The following CDC42BPG variants were observed in gnomAD, a reference collection of about 807,000 sequenced individuals.
CDC42BPG encodes the protein CDC42 binding protein kinase gamma, also known as serine/threonine-protein kinase MRCK gamma.
A neutral mutation model predicts 192.2 loss-of-function variants in CDC42BPG; 157 were observed. That is an observed-to-expected ratio of 0.82 (90% CI 0.72 to 0.93). The LOEUF is 0.93. Ranked by LOEUF, CDC42BPG falls within the 40% of genes least tolerant of loss-of-function variation. The probability of loss-of-function intolerance (pLI) is 0.00; values close to 1 mark genes in which losing one functional copy is unlikely to be tolerated. For synonymous variants in CDC42BPG, 981 were observed against 918.5 expected, an observed-to-expected ratio of 1.07 and a Z score of -1.23; for missense variants, 1,992 against 2,122.1, an observed-to-expected ratio of 0.94 and a Z score of 1.20.
At chr11:64,839,601 C>CACAG (rs1565697426) in intron 5 of CDC42BPG, 30 bp from the exon 6 acceptor site, 1 of 1,590,180 alleles carries the variant, frequency 6.3e-7, no homozygotes, top group Non-Finnish European at 8.6e-7. Flanking sequence ...GAGAGTGAGG[C>CACAG]GTTTGACCTG....
Position 64,826,673 on chromosome 11 carries a change from G to T in CDC42BPG, c.4511C>A (p.Pro1504His), listed in dbSNP as rs200512542. The change falls in exon 35 of 37, where the codon CCC (proline) becomes CAC (histidine). Residue 1504 changes from proline (P) to histidine (H), a missense_variant and splice_region_variant. Physicochemically the swap from Pro to His is moderately conservative, Grantham distance 77. Around this residue, in one of 2 missense-constraint regions of CDC42BPG, gnomAD observed 336 missense variants for 277.9 expected, o/e 1.21. Coordinates refer to ENST00000342711, the MANE Select transcript of CDC42BPG (RefSeq NM_017525.3). ...GSEGLGGDAD[P>H]MKRKPWTSLS... ...GGAGGCTGAGGGGCTGCCCTTACTG[G>T]GGTCTGCGTCTCCACCGAGGCCTTC... The T allele has an allele frequency of 6.4e-7, 1 of 1,570,972 alleles. No individual in the cohort carries two copies.
Position 64,824,355 on chromosome 11 carries a change from G to T in CDC42BPG, c.*118C>A. 1.2e-6 allele frequency: 1 copy of T among 817,658 alleles called. No individual in the cohort carries two copies. Among genetic ancestry groups the T allele is most frequent in the East Asian group, 2.4e-5 (1 of 41,176 alleles). 50.7% of individuals were successfully genotyped at this position (817,658 alleles called of 1,614,324 possible). On this transcript the variant is annotated 3_prime_UTR_variant, in exon 37 of 37. Transcript: ENST00000342711. ...AGTCTCCCAGTCATTGCCCAGCCCG[G>T]GTCCTCCCTGAGTCCGAATTTCCAT...
intron 23 of CDC42BPG, 113 bp from the exon 24 acceptor site, chr11:64,833,449 C>T: frequency 1.0e-6 from 1 of 967,096 alleles, no homozygotes; most frequent in Non-Finnish European, 1.5e-6. Flanking sequence ...CGAGTCCCAG[C>T]CAATCTATGG....
In CDC42BPG at chr11:64,827,272, G is replaced by A. The variant is rs765328231; in HGVS notation, c.4271+6C>T. 5.6e-6 allele frequency: 9 copies of A among 1,613,278 alleles called. No homozygotes were observed. Among genetic ancestry groups the A allele is most frequent in the East Asian group, 2.2e-5 (1 of 44,894 alleles). The stretch of plus-strand genomic sequence containing the variant: ...CAGCCTCAGCCCCCGCGTCGTGCAC[G>A]CGCACCTGCGCTGCTGCTTCTGCTG... On this transcript the variant is annotated splice_donor_region_variant and intron_variant, in intron 33 of 36. Coordinates refer to ENST00000342711, the MANE Select transcript of CDC42BPG (RefSeq NM_017525.3).
Position 64,823,678 on chromosome 11 carries a change from G to A in CDC42BPG, c.*795C>T, listed in dbSNP as rs540495923. The A allele has an allele frequency of 6.6e-6, 1 of 152,074 alleles. No individual in the cohort carries two copies. The highest frequency in any genetic ancestry group is 2.1e-4 in the South Asian group (1 of 4,812). 9.4% of individuals were successfully genotyped at this position (152,074 alleles called of 1,614,324 possible). On this transcript the variant is annotated 3_prime_UTR_variant, in exon 37 of 37. Coordinates refer to ENST00000342711, the MANE Select transcript of CDC42BPG (RefSeq NM_017525.3). ...CTGGGTACCCATCTCCCACCAAAAAGCCCTTATAAATACCCTCCCCATCCT... is the reference window on the plus strand; with the variant it reads ...CTGGGTACCCATCTCCCACCAAAAAACCCTTATAAATACCCTCCCCATCCT...
chr11:64,840,609 C>G lies in CDC42BPG; in HGVS notation c.376G>C (p.Gly126Arg). 1.2e-6 allele frequency: 2 copies of G among 1,613,960 alleles called. No individual in the cohort carries two copies. The highest frequency in any genetic ancestry group is 1.7e-6 in the Non-Finnish European group (2 of 1,180,032). Reference sequence around the variant, plus strand: ...AGAGTGGTCACCCAACGGCTGTCCCCTTTCACGAGCACATCCCGCTCCTCC... The same window carrying G: ...AGAGTGGTCACCCAACGGCTGTCCCGTTTCACGAGCACATCCCGCTCCTCC... ...FREERDVLVK[G>R]DSRWVTTLHY... The change falls in exon 4 of 37, where the codon GGG (glycine) becomes CGG (arginine). Residue 126 changes from glycine to arginine, a missense_variant. Gly to Arg is a moderately radical substitution (Grantham distance 125, BLOSUM62 -2). This residue lies in a region of CDC42BPG where 1,656 missense variants were observed against 1,844.3 expected (regional missense o/e 0.90). Transcript: ENST00000342711.
intron 9 of CDC42BPG, 119 bp from the exon 10 acceptor site, chr11:64,837,138 G>T (rs1457080719): frequency 1.1e-6 from 1 of 876,548 alleles, no homozygotes; most frequent in East Asian, 2.6e-5. Flanking sequence ...CCTGCCCTCG[G>T]GAGACCCCAG....
rs865843502 is a variant in CDC42BPG at position 64,844,446 on chromosome 11, G to T, written c.124C>A (p.Arg42=). 1.4e-6 allele frequency: 2 copies of T among 1,473,826 alleles called. No homozygotes were observed. The highest frequency in any genetic ancestry group is 2.9e-5 in the East Asian group (1 of 34,698). 91.3% of individuals were successfully genotyped at this position (1,473,826 alleles called of 1,614,324 possible). The change falls in exon 1 of 37, where the codon CGG becomes AGG. Residue 42 remains arginine (R), a synonymous_variant. Coordinates refer to ENST00000342711, the MANE Select transcript of CDC42BPG (RefSeq NM_017525.3). ...AACTGCGCCACGCTGCGCTCCCGCCGTAGGGGGCCGCTGCTGAGCTCGTGG... is the reference window on the plus strand; with the variant it reads ...AACTGCGCCACGCTGCGCTCCCGCCTTAGGGGGCCGCTGCTGAGCTCGTGG... ...LHHELSSGPL[R]RERSVAQFLS... is the part of the protein sequence containing the mutation.
At chr11:64,836,709 G>GGGA (rs1555173118) in intron 11 of CDC42BPG, 30 bp downstream of exon 11, 8 of 695,478 alleles carry the variant, frequency 1.2e-5, no homozygotes, top group Middle Eastern at 9.4e-4. Context: ...TCAGCCCTGG[G>GGGA]GGGGGGGGGG....
chr11:64,834,755 C>T, intron 18 of CDC42BPG, 94 bp downstream of exon 18: 1 of 1,378,408 alleles, frequency 7.3e-7, no homozygotes, highest in East Asian at 2.3e-5. Flanking sequence ...GGTGTCCCCA[C>T]CTCCAGTAGT....
intron 8 of CDC42BPG, 53 bp from the exon 9 acceptor site, chr11:64,838,215 C>T (rs1045312630): frequency 7.9e-5 from 108 of 1,361,752 alleles, no homozygotes; most frequent in Non-Finnish European, 1.1e-4. Context: ...GGCCCGAGGC[C>T]CAAGGCCCAG....
At chr11:64,826,333 AAT>A (rs1942412626) in intron 36 of CDC42BPG, 135 bp downstream of exon 36, 2 of 672,836 alleles carry the variant, frequency 3.0e-6, no homozygotes, top group Non-Finnish European at 2.7e-6. Flanking sequence ...GACAGGTAAG[AAT>A]CTGCATCTCG....
chr11:64,831,721 C>A lies in CDC42BPG; in HGVS notation c.3088G>T (p.Val1030Leu). 6.3e-7 allele frequency: 1 copy of A among 1,589,944 alleles called. No individual in the cohort carries two copies. ...GGCACTGCCAGCTGGGAGGTTGTCA[C>A]CTGTGGGCAAGGACCCCAGCTGGAG... ...QSRDLPRIFR[V>L]TTSQLAVPPT... The change falls in exon 28 of 37, where the codon GTG (valine) becomes TTG (leucine). Residue 1030 changes from valine to leucine, a missense_variant and splice_region_variant. By Grantham distance (32) the Val-to-Leu change is conservative. Coordinates refer to ENST00000342711, the MANE Select transcript of CDC42BPG (RefSeq NM_017525.3).
At position 64,835,429 on chromosome 11, in the gene CDC42BPG, A is replaced by G; in HGVS notation, c.1881-10T>C. The G allele has an allele frequency of 6.2e-7, 1 of 1,613,318 alleles. No individual in the cohort carries two copies. Among genetic ancestry groups the G allele is most frequent in the African/African-American group, 1.3e-5 (1 of 75,036 alleles). ...CTCCTTACCACTCGGCCTGGGGAGG[A>G]GAAGGCCAAGGCCGTGACTCACCGC... On this transcript the variant is annotated splice_polypyrimidine_tract_variant and intron_variant, in intron 15 of 36. Transcript: ENST00000342711.
chr11:64,842,346 C>A (rs1316714937), intron 1 of CDC42BPG, among the ~76,000 whole-genome samples: 2 of 152,178 alleles, frequency 1.3e-5, no homozygotes, highest in Non-Finnish European at 2.9e-5. Flanking sequence ...CATTCCTTAT[C>A]CCCAGAGAGG....
Position 64,844,534 on chromosome 11 carries a change from C to G in CDC42BPG, c.36G>C (p.Ala12=). Reference sequence around the variant, plus strand: ...CCGGGCAGCCGCCGGCCTCGCCCCGCGCCAGCTGCTCCAGCGCGCGCAGCC... The same window carrying G: ...CCGGGCAGCCGCCGGCCTCGCCCCGGGCCAGCTGCTCCAGCGCGCGCAGCC... ...ERRLRALEQL[A]RGEAGGCPGL... The change falls in exon 1 of 37, where the codon GCG becomes GCC. Residue 12 remains alanine (A), a synonymous_variant. Transcript: ENST00000342711. 1 of 1,302,716 alleles carries G rather than the reference C, an allele frequency of 7.7e-7. No homozygotes were observed. Among genetic ancestry groups the G allele is most frequent in the Non-Finnish European group, 9.7e-7 (1 of 1,026,598 alleles). The allele number at this position is 1,302,716 out of a possible 1,614,324, so 80.7% of individuals were successfully genotyped here.
In CDC42BPG at chr11:64,834,374, C is replaced by A; in HGVS notation, c.2325-20G>T. The A allele has an allele frequency of 6.4e-7, 1 of 1,562,850 alleles. No homozygotes were observed. The highest frequency in any genetic ancestry group is 1.4e-5 in the African/African-American group (1 of 73,828). On this transcript the variant is annotated intron_variant, in intron 19 of 36. Transcript: ENST00000342711. ...AGACGGCTGGGGAGAATGGCAAGGGCTCGCCACTGGCCTCTGTGCGGGCCC... is the reference window on the plus strand; with the variant it reads ...AGACGGCTGGGGAGAATGGCAAGGGATCGCCACTGGCCTCTGTGCGGGCCC...
At chr11:64,837,877 G>A (rs746559009) in intron 9 of CDC42BPG, among the ~76,000 whole-genome samples, 1 of 152,226 alleles carries the variant, frequency 6.6e-6, no homozygotes, top group Non-Finnish European at 1.5e-5. Context: ...AAGGCGCCAT[G>A]AGAGCCATGT....
At position 64,832,719 on chromosome 11, in the gene CDC42BPG, G is replaced by A. The variant is rs369593959; in HGVS notation, c.2890C>T (p.Arg964Trp). The A allele has an allele frequency of 6.2e-6, 10 of 1,610,102 alleles. No homozygotes were observed. The highest frequency in any genetic ancestry group is 2.7e-5 in the African/African-American group (2 of 74,840). Residue 964 changes from arginine (R) to tryptophan (W), a missense_variant, in exon 26 of 37, where the codon CGG (arginine) becomes TGG (tryptophan). Transcript: ENST00000342711. ...GCAGCAAACACGCGCTGCCAGCCCCGCCGGACACCTGAGGGCCGCGGCACC... is the reference window on the plus strand; with the variant it reads ...GCAGCAAACACGCGCTGCCAGCCCCACCGGACACCTGAGGGCCGCGGCACC... The part of the protein sequence containing the change: ...LSVPRPSGVR[R>W]GWQRVFAALS...
Sources: gnomAD v4.1 joint callset for allele counts (sites outside exome capture counted in the v4.1 genomes callset) on GRCh38, gnomAD v4.1.1 for gene constraint, gnomAD v4.1.1 regional missense constraint, MANE v1.5 for transcripts, NCBI Gene and HGNC (gene_info 2026-07-23, HGNC 2026-07-21) for gene names.